The following FSTL4 variants were observed in gnomAD, a reference collection of about 807,000 sequenced individuals.
FSTL4 encodes the protein follistatin-related protein 4.
In FSTL4, 28 loss-of-function variants were observed where a neutral mutation model predicts 78.2. The observed-to-expected ratio is 0.36, with a 90% CI of 0.27 to 0.49. The LOEUF (loss-of-function observed/expected upper bound fraction) is 0.49, where lower values mean the gene tolerates loss of function less well. Among genes scored for constraint, FSTL4 ranks in the 20% least tolerant of loss-of-function variants. FSTL4 has a pLI of 0.98. For synonymous variants in FSTL4, 422 were observed against 440.5 expected (o/e 0.96, Z 0.53); for missense variants, 922 against 1,084.9 (o/e 0.85, Z 2.11).
chr5:133,274,769 A>C (rs901144450), intron 6 of FSTL4, among the ~76,000 whole-genome samples: 2 of 152,214 alleles, frequency 1.3e-5, no homozygotes, highest in African/African-American at 2.4e-5. Flanking sequence ...CCTATTAAAT[A>C]ATGGGAAGAT....
intron 4 of FSTL4, among the ~76,000 whole-genome samples, chr5:133,342,230 T>C (rs1044108599): frequency 1.3e-5 from 2 of 152,078 alleles, no homozygotes; most frequent in South Asian, 4.2e-4. Context: ...TGGACCCCCA[T>C]GTGGCTGCAG....
At chr5:133,462,068 C>T (rs1336185633) in intron 3 of FSTL4, among the ~76,000 whole-genome samples, 1 of 152,168 alleles carries the variant, frequency 6.6e-6, no homozygotes, top group African/African-American at 2.4e-5. Context: ...ACCATCTGAC[C>T]TCACCTGAGT....
At chr5:133,325,426 TCACTCTACTCTCA>T (rs1387921966) in intron 4 of FSTL4, among the ~76,000 whole-genome samples, 17 of 152,038 alleles carry the variant, frequency 1.1e-4, no homozygotes, top group Non-Finnish European at 1.6e-4. Flanking sequence ...CTTCTTGGGG[TCACTCTACTCTCA>T]GGAGTCCCCC....
rs76052812 is a variant in FSTL4, at chr5:133,549,447, T to G, written c.160+17739A>C. Among the ~76,000 whole-genome samples, 841 of 152,278 alleles carry G rather than the reference T, an allele frequency of 5.5e-3. 34 individuals are homozygous for G. The East Asian group carries it at 0.1, about 18-fold the overall frequency. ...AATAATCAAGATAGTTTCTATAGGT[T>G]TATTCTTTGTTTATATTTTCAGCTC... is the stretch of plus-strand genomic sequence containing the variant. On this transcript the variant is annotated intron_variant, in intron 3 of 15. Transcript: ENST00000265342.
chr5:133,485,843 G>A (rs1758121719), intron 3 of FSTL4, among the ~76,000 whole-genome samples: 1 of 152,364 alleles, frequency 6.6e-6, no homozygotes, highest in Admixed American at 6.5e-5. Context: ...ACATGGACAT[G>A]TTTTGTTCCT....
At chr5:133,538,475 T>C (rs1759398102) in intron 3 of FSTL4, among the ~76,000 whole-genome samples, 2 of 152,208 alleles carry the variant, frequency 1.3e-5, no homozygotes, top group East Asian at 1.9e-4. Flanking sequence ...TAAAAAGTAA[T>C]GTGTGGAGAA....
the FSTL4 span, among the ~76,000 whole-genome samples, chr5:133,750,110 T>C: frequency 2.0e-5 from 3 of 152,176 alleles, no homozygotes; most frequent in African/African-American, 7.2e-5. Context: ...GATAAAATCA[T>C]ATTTTGAGCC....
intron 3 of FSTL4, among the ~76,000 whole-genome samples, chr5:133,465,673 A>G (rs1241226079): frequency 6.6e-6 from 1 of 152,166 alleles, no homozygotes; most frequent in African/African-American, 2.4e-5. Context: ...CTGTCCTGGT[A>G]AGGGAGCAGT....
intron 6 of FSTL4, among the ~76,000 whole-genome samples, chr5:133,285,296 C>A (rs913467835): frequency 2.6e-5 from 4 of 152,230 alleles, no homozygotes; most frequent in African/African-American, 9.6e-5. Flanking sequence ...GGAGGTGGCA[C>A]TGCTAAAATC....
chr5:133,405,294 C>T (rs189386441), intron 3 of FSTL4, among the ~76,000 whole-genome samples: 4 of 152,264 alleles, frequency 2.6e-5, no homozygotes, highest in South Asian at 2.1e-4. Flanking sequence ...AAGAGCAAGG[C>T]GTGAATGCAG....
At chr5:133,315,205 A>G (rs1157354598) in intron 5 of FSTL4, among the ~76,000 whole-genome samples, 3 of 152,182 alleles carry the variant, frequency 2.0e-5, no homozygotes, top group Non-Finnish European at 4.4e-5. Flanking sequence ...TAAGCCATTC[A>G]CTATCTTAGC....
chr5:133,518,205 AGACAAAC>A (rs1286195136), intron 3 of FSTL4, among the ~76,000 whole-genome samples: 1 of 152,276 alleles, frequency 6.6e-6, no homozygotes, highest in East Asian at 1.9e-4. Context: ...CATAAACAAA[AGACAAAC>A]GACAAATTGG....
At chr5:133,525,245 C>A (rs1419941142) in intron 3 of FSTL4, among the ~76,000 whole-genome samples, 1 of 152,218 alleles carries the variant, frequency 6.6e-6, no homozygotes. Flanking sequence ...CCAAACAGAG[C>A]TGGCCAAGCC....
intron 3 of FSTL4, among the ~76,000 whole-genome samples, chr5:133,534,911 G>A (rs1277379140): frequency 5.3e-5 from 8 of 152,062 alleles, no homozygotes; most frequent in African/African-American, 1.9e-4. Context: ...GCCTCTTAAT[G>A]AGAAAAGAAG....
the FSTL4 span, among the ~76,000 whole-genome samples, chr5:133,698,662 A>G: frequency 6.6e-6 from 1 of 152,270 alleles, no homozygotes; most frequent in South Asian, 2.1e-4. Flanking sequence ...GCATCTGCAA[A>G]GATACAGGGC....
At chr5:133,744,577 C>T in the FSTL4 span, among the ~76,000 whole-genome samples, 142 of 152,272 alleles carry the variant, frequency 9.3e-4, no homozygotes, top group Middle Eastern at 3.4e-3. Context: ...CTCTTTGCTC[C>T]GGTGGAAATC....
At chr5:133,330,782 G>A (rs1199669732) in intron 4 of FSTL4, among the ~76,000 whole-genome samples, 1 of 152,170 alleles carries the variant, frequency 6.6e-6, no homozygotes, top group Non-Finnish European at 1.5e-5. Flanking sequence ...GGTCTGACAG[G>A]GGGTAAAGAC....
chr5:133,723,621 C>A, the FSTL4 span, among the ~76,000 whole-genome samples: 3 of 152,176 alleles, frequency 2.0e-5, no homozygotes, highest in Admixed American at 1.3e-4. Flanking sequence ...TATGGGGCTG[C>A]AAGTCCAATT....
intron 2 of FSTL4, among the ~76,000 whole-genome samples, chr5:133,601,936 G>A (rs573823307): frequency 2.9e-4 from 44 of 151,650 alleles, no homozygotes; most frequent in African/African-American, 1.0e-3. Flanking sequence ...TGCCCACCTC[G>A]GCCTCTCAAA....
Sources: gnomAD v4.1 joint callset for allele counts (sites outside exome capture counted in the v4.1 genomes callset) on GRCh38, gnomAD v4.1.1 for gene constraint, MANE v1.5 for transcripts, NCBI Gene and HGNC (gene_info 2026-07-23, HGNC 2026-07-21) for gene names.